The following ADGRB3 variants were observed in gnomAD, a reference collection of about 807,000 sequenced individuals.
ADGRB3 encodes adhesion G protein-coupled receptor B3.
In ADGRB3, 37 loss-of-function variants were observed where a neutral mutation model predicts 193.4. The ratio of observed to expected loss-of-function variants is 0.19; its 90% confidence interval spans 0.15 to 0.25. The LOEUF (loss-of-function observed/expected upper bound fraction) is 0.25. ADGRB3 is among the 10% of genes least tolerant of loss of function. The probability of loss-of-function intolerance (pLI) is 1.00; values close to 1 mark genes in which losing one functional copy is unlikely to be tolerated. For synonymous variants in ADGRB3, 690 were observed against 644.2 expected (o/e 1.07, Z -1.08); for missense variants, 1,637 against 1,852.9 (o/e 0.88, Z 2.14).
chr6:68,808,937 T>C (rs1767459811), intron 3 of ADGRB3, among the ~76,000 whole-genome samples: 1 of 152,144 alleles, frequency 6.6e-6, no homozygotes, highest in Non-Finnish European at 1.5e-5. Flanking sequence ...CAGAGTCCTT[T>C]GGGATGGGGC....
At chr6:68,990,734 C>A (rs899166813) in intron 10 of ADGRB3, among the ~76,000 whole-genome samples, 1 of 152,102 alleles carries the variant, frequency 6.6e-6, no homozygotes, top group Non-Finnish European at 1.5e-5. Flanking sequence ...GATATCTGTA[C>A]AAGTTAAATC....
chr6:68,679,881 C>T (rs967598931), intron 3 of ADGRB3, among the ~76,000 whole-genome samples: 1 of 152,164 alleles, frequency 6.6e-6, no homozygotes, highest in Non-Finnish European at 1.5e-5. Context: ...AAATGCTTTT[C>T]ATAGGTTGCT....
At chr6:68,868,410 A>G (rs1197946741) in intron 3 of ADGRB3, among the ~76,000 whole-genome samples, 4 of 152,168 alleles carry the variant, frequency 2.6e-5, no homozygotes, top group Non-Finnish European at 2.9e-5. Flanking sequence ...TTCTTTATAC[A>G]TTACCCAATC....
At chr6:68,671,715 T>A (rs1316226681) in intron 3 of ADGRB3, among the ~76,000 whole-genome samples, 1 of 151,924 alleles carries the variant, frequency 6.6e-6, no homozygotes, top group Non-Finnish European at 1.5e-5. Context: ...GCCTGTAGGT[T>A]TTTGTTTTGT....
At position 69,096,363 on chromosome 6, in the gene ADGRB3, G is replaced by GTTTT. The variant is rs70987448; in HGVS notation, c.2480+20337_2480+20340dup. Among the ~76,000 whole-genome samples the GTTTT allele has an allele frequency of 7.0e-4, 93 of 132,618 alleles. 1 individual carries two copies. Among genetic ancestry groups the GTTTT allele is most frequent in the African/African-American group, 1.9e-3 (68 of 35,268 alleles). 87.0% of individuals were successfully genotyped at this position (132,618 alleles called of 152,430 possible). ...AGAAAGAGGGTTTTTATTGTTTTGG[G>GTTTT]TTTTTTTTTTTTTTTGCTTATCTTT... On this transcript the variant is annotated intron_variant, in intron 17 of 31. Coordinates refer to ENST00000370598, the MANE Select transcript of ADGRB3 (RefSeq NM_001704.3).
intron 3 of ADGRB3, among the ~76,000 whole-genome samples, chr6:68,890,983 G>A (rs1562073753): frequency 6.6e-6 from 1 of 152,136 alleles, no homozygotes; most frequent in Non-Finnish European, 1.5e-5. Flanking sequence ...CCGTTTTCAT[G>A]CTGTTGATAA....
At chr6:68,674,770 C>A (rs182729462) in intron 3 of ADGRB3, among the ~76,000 whole-genome samples, 11 of 152,292 alleles carry the variant, frequency 7.2e-5, no homozygotes, top group Admixed American at 5.9e-4. Context: ...GAAGCCAACA[C>A]AAAAGCAGTA....
At chr6:69,297,078 A>T (rs1033913232) in intron 20 of ADGRB3, among the ~76,000 whole-genome samples, 1 of 152,076 alleles carries the variant, frequency 6.6e-6, no homozygotes. Flanking sequence ...ATGCAGCCTA[A>T]CTGATGCACA....
chr6:68,709,072 T>C (rs1765370184), intron 3 of ADGRB3, among the ~76,000 whole-genome samples: 1 of 152,218 alleles, frequency 6.6e-6, no homozygotes, highest in Non-Finnish European at 1.5e-5. Flanking sequence ...CTGGACATTT[T>C]GAACCTTTTA....
chr6:69,326,715 AT>A (rs959999203), intron 21 of ADGRB3, among the ~76,000 whole-genome samples: 3 of 151,648 alleles, frequency 2.0e-5, no homozygotes, highest in African/African-American at 4.8e-5. Flanking sequence ...CCCATGAGGA[AT>A]TTTTTTTTCC....
chr6:68,903,113 C>G lies in ADGRB3; in HGVS notation c.758-27446C>G, dbSNP rs12663245. Among the ~76,000 whole-genome samples, 522 of 152,256 alleles carry G rather than the reference C, an allele frequency of 3.4e-3. 12 individuals are homozygous for G. The East Asian group carries it at 0.062, about 18-fold the overall frequency. On this transcript the variant is annotated intron_variant, in intron 3 of 31. Transcript: ENST00000370598. The stretch of plus-strand genomic sequence containing the variant: ...GATTTACACTTTTGACTTGAGCTCA[C>G]TAGCAGCAAGCATGCTGATCAAACA...
At chr6:69,040,378 C>T (rs9454681) in intron 13 of ADGRB3, among the ~76,000 whole-genome samples, 3,871 of 20,564 alleles carry the variant, frequency 0.19, 401 homozygotes, top group East Asian at 0.48. Flanking sequence ...TCTTTCTTTC[C>T]TTCTCTCTCT....
chr6:69,348,739 C>T (rs1450412315), intron 26 of ADGRB3, among the ~76,000 whole-genome samples: 1 of 151,978 alleles, frequency 6.6e-6, no homozygotes. Flanking sequence ...CTCTCCTTGC[C>T]ACTCCTAGAT....
intron 3 of ADGRB3, among the ~76,000 whole-genome samples, chr6:68,881,186 T>TC (rs796763639): frequency 1.2e-3 from 185 of 151,790 alleles, no homozygotes; most frequent in African/African-American, 4.3e-3. Flanking sequence ...AGTTTTTTTT[T>TC]TTCAAATAAA....
At chr6:68,748,173 C>T (rs1206522869) in intron 3 of ADGRB3, among the ~76,000 whole-genome samples, 1 of 152,052 alleles carries the variant, frequency 6.6e-6, no homozygotes, top group African/African-American at 2.4e-5. Flanking sequence ...TCATTCCACC[C>T]CTAGCCCCTC....
intron 28 of ADGRB3, among the ~76,000 whole-genome samples, chr6:69,360,204 A>G (rs1236054559): frequency 6.6e-6 from 1 of 151,880 alleles, no homozygotes; most frequent in East Asian, 1.9e-4. Flanking sequence ...CAATTTTAAT[A>G]TTCCCGCAAG....
chr6:68,824,938 C>G (rs1033399972), intron 3 of ADGRB3, among the ~76,000 whole-genome samples: 13 of 152,198 alleles, frequency 8.5e-5, no homozygotes, highest in Admixed American at 7.2e-4. Flanking sequence ...ACGGCAACCT[C>G]CGCCTCCCGG....
intron 3 of ADGRB3, among the ~76,000 whole-genome samples, chr6:68,686,403 C>T (rs1287413861): frequency 6.6e-6 from 1 of 152,098 alleles, no homozygotes; most frequent in African/African-American, 2.4e-5. Context: ...GACTGGATCA[C>T]TTCTACCTCT....
intron 20 of ADGRB3, among the ~76,000 whole-genome samples, chr6:69,275,999 C>T (rs1767295793): frequency 6.6e-6 from 1 of 152,172 alleles, no homozygotes; most frequent in Non-Finnish European, 1.5e-5. Flanking sequence ...CATCTCCATG[C>T]AACTAAACAT....
Sources: gnomAD v4.1 joint callset for allele counts (sites outside exome capture counted in the v4.1 genomes callset) on GRCh38, gnomAD v4.1.1 for gene constraint, MANE v1.5 for transcripts, NCBI Gene and HGNC (gene_info 2026-07-23, HGNC 2026-07-21) for gene names.